AGBL4: variants seen among roughly 807,000 people sequenced by gnomAD.
AGBL4 encodes the protein AGBL carboxypeptidase 4.
AGBL4 carries 58 observed loss-of-function variants against 66.4 expected under a neutral mutation model. The ratio of observed to expected loss-of-function variants is 0.87; its 90% CI spans 0.71 to 1.09. AGBL4 has a LOEUF of 1.09. AGBL4 is among the 50% of genes least tolerant of loss of function. The probability of loss-of-function intolerance (pLI) is 0.00; values close to 1 mark genes in which losing one functional copy is unlikely to be tolerated. For missense variants in AGBL4, 579 were observed against 631.0 expected (o/e 0.92, Z 0.88); for synonymous variants, 234 against 222.9 (o/e 1.05, Z -0.44).
At position 48,856,377 on chromosome 1, in the gene AGBL4, C is replaced by T. The variant is rs141040424; in HGVS notation, c.634+10814G>A. On this transcript the variant is annotated intron_variant, in intron 6 of 13. Transcript: ENST00000371839. ...AAAGGGAAAATGTAAAAATAGAATT[C>T]GATTTTGTATTGTGCTAAGGTTGTG... Among the ~76,000 whole-genome samples the T allele has an allele frequency of 5.0e-4, 76 of 152,236 alleles. 1 individual carries two copies. The South Asian group carries it at 9.8e-3, about 20-fold the overall frequency.
chr1:49,751,656 C>A (rs1651479332), intron 2 of AGBL4, among the ~76,000 whole-genome samples: 1 of 152,108 alleles, frequency 6.6e-6, no homozygotes, highest in Admixed American at 6.6e-5. Flanking sequence ...GAAGGAATGG[C>A]ACCCGCTCCT....
At chr1:49,392,239 C>T (rs3957) in intron 3 of AGBL4, among the ~76,000 whole-genome samples, 104,297 of 152,080 alleles carry the variant, frequency 0.69, 36,523 homozygotes, top group African/African-American at 0.78. Flanking sequence ...TTATGGTTAA[C>T]GGCTACTATA....
chr1:49,212,862 G>A, intron 4 of AGBL4, among the ~76,000 whole-genome samples: 1 of 152,046 alleles, frequency 6.6e-6, no homozygotes, highest in East Asian at 1.9e-4. Context: ...TAATTGTAAG[G>A]TTAGCATGTT....
At chr1:49,985,629 T>C (rs1659441317) in intron 1 of AGBL4, among the ~76,000 whole-genome samples, 1 of 152,198 alleles carries the variant, frequency 6.6e-6, no homozygotes, top group Non-Finnish European at 1.5e-5. Flanking sequence ...CACACGGGCC[T>C]TTCAGCACAG....
intron 3 of AGBL4, among the ~76,000 whole-genome samples, chr1:49,453,731 C>A (rs2148686115): frequency 6.6e-6 from 1 of 151,806 alleles, no homozygotes; most frequent in South Asian, 2.1e-4. Flanking sequence ...ATTTCTCAAA[C>A]CTTTTACATA....
intron 5 of AGBL4, among the ~76,000 whole-genome samples, chr1:49,005,979 C>T (rs555044534): frequency 2.2e-4 from 34 of 151,674 alleles, no homozygotes; most frequent in Admixed American, 1.2e-3. Flanking sequence ...CCAGCCTAGG[C>T]GACAGAGTGA....
intron 3 of AGBL4, among the ~76,000 whole-genome samples, chr1:49,630,816 G>A (rs1645555750): frequency 6.6e-6 from 1 of 152,194 alleles, no homozygotes; most frequent in African/African-American, 2.4e-5. Context: ...GGCCACAGAT[G>A]ATGATAGGAG....
At chr1:48,855,272 C>A (rs1362535972) in intron 6 of AGBL4, among the ~76,000 whole-genome samples, 1 of 152,122 alleles carries the variant, frequency 6.6e-6, no homozygotes, top group African/African-American at 2.4e-5. Context: ...ACACCTGATC[C>A]CTTCCCAGTG....
intron 4 of AGBL4, among the ~76,000 whole-genome samples, chr1:49,191,237 A>C (rs1218814845): frequency 6.6e-6 from 1 of 152,172 alleles, no homozygotes; most frequent in Non-Finnish European, 1.5e-5. Context: ...AATGTCTCCC[A>C]CTGTCCAACA....
chr1:48,643,596 A>C (rs1337136845), intron 8 of AGBL4, among the ~76,000 whole-genome samples: 1 of 152,216 alleles, frequency 6.6e-6, no homozygotes, highest in Non-Finnish European at 1.5e-5. Flanking sequence ...TTGCAATATG[A>C]GGATAATACA....
chr1:48,591,080 A>ACCCCCCCCCCCCCCC (rs1644909627), intron 9 of AGBL4, 95 bp from the exon 10 acceptor site: 1 of 808,634 alleles, frequency 1.2e-6, no homozygotes, highest in Non-Finnish European at 1.8e-6. Context: ...CCCCCCACAC[A>ACCCCCCCCCCCCCCC]CACCCACCCA....
chr1:49,986,585 G>C (rs1364746777), intron 1 of AGBL4, among the ~76,000 whole-genome samples: 1 of 152,000 alleles, frequency 6.6e-6, no homozygotes, highest in Non-Finnish European at 1.5e-5. Context: ...CTACCAAACT[G>C]TTTTCTAAGT....
chr1:48,817,689 G>A lies in AGBL4; in HGVS notation c.634+49502C>T, dbSNP rs189856494. 2.7e-3 allele frequency: 644 copies of A among 239,656 alleles called. 1 individual carries two copies. Among genetic ancestry groups the A allele is most frequent in the Non-Finnish European group, 3.5e-3 (429 of 123,564 alleles). The allele number at this position is 239,656 out of a possible 1,614,324, so 14.8% of individuals were successfully genotyped here. A position where few individuals can be genotyped will look rare whatever the true frequency, so the allele number is the denominator to read the frequency against. On this transcript the variant is annotated intron_variant, in intron 6 of 13. Coordinates refer to ENST00000371839, the MANE Select transcript of AGBL4 (RefSeq NM_032785.4). ...ACTAGAATCCCAGCTGACCATACAG[G>A]CTGGCTCTTTGCTGCCCCCACCTGT...
intron 3 of AGBL4, among the ~76,000 whole-genome samples, chr1:49,256,461 C>G (rs769374658): frequency 6.6e-6 from 1 of 151,870 alleles, no homozygotes; most frequent in Non-Finnish European, 1.5e-5. Context: ...TATCAGATAC[C>G]TATAAATAAA....
At chr1:49,742,415 T>C (rs1255172583) in intron 2 of AGBL4, among the ~76,000 whole-genome samples, 2 of 152,076 alleles carry the variant, frequency 1.3e-5, no homozygotes, top group Admixed American at 6.6e-5. Context: ...TACAAACAAA[T>C]GGAAGAACAT....
chr1:49,499,995 T>G (rs1647987777), intron 3 of AGBL4, among the ~76,000 whole-genome samples: 1 of 152,074 alleles, frequency 6.6e-6, no homozygotes, highest in Admixed American at 6.6e-5. Flanking sequence ...CCAATGGCAA[T>G]GTAAAAGTGT....
intron 1 of AGBL4, among the ~76,000 whole-genome samples, chr1:49,939,847 A>T (rs1251999341): frequency 1.3e-5 from 2 of 152,238 alleles, no homozygotes; most frequent in East Asian, 3.8e-4. Context: ...CAAAATTGAC[A>T]AATGGGATCT....
intron 1 of AGBL4, among the ~76,000 whole-genome samples, chr1:49,930,743 T>C (rs1030478686): frequency 6.6e-6 from 1 of 151,934 alleles, no homozygotes; most frequent in Non-Finnish European, 1.5e-5. Context: ...CTCAGCAAAA[T>C]AGGAACAGAG....
chr1:49,868,226 T>A (rs770495632), intron 1 of AGBL4, among the ~76,000 whole-genome samples: 5 of 152,182 alleles, frequency 3.3e-5, no homozygotes, highest in African/African-American at 4.8e-5. Context: ...TTCAGTGCTA[T>A]TCCCATTAAA....
Sources: allele counts gnomAD v4.1 joint callset (sites outside exome capture counted in the v4.1 genomes callset), GRCh38; gene constraint gnomAD v4.1.1; transcripts MANE v1.5; gene names NCBI Gene and HGNC (gene_info 2026-07-23, HGNC 2026-07-21).